Variants in DPYD observed in about 807,000 individuals in gnomAD.
DPYD encodes the protein dihydropyrimidine dehydrogenase, also known as dihydropyrimidine dehydrogenase [NADP(+)].
Under a neutral mutation model 116.2 loss-of-function variants are expected in DPYD, and 109 were observed. That is an observed-to-expected ratio of 0.94 (90% CI 0.80 to 1.10). DPYD has a LOEUF of 1.10. Ranked by LOEUF, DPYD falls within the 50% of genes least tolerant of loss-of-function variation. The pLI is 0.00. For missense variants in DPYD, 1,302 were observed against 1,254.5 expected (o/e 1.04, Z -0.57); for synonymous variants, 440 against 432.0 (o/e 1.02, Z -0.23).
At chr1:97,390,437 T>A (rs1672630451) in intron 14 of DPYD, among the ~76,000 whole-genome samples, 1 of 152,056 alleles carries the variant, frequency 6.6e-6, no homozygotes, top group African/African-American at 2.4e-5. Flanking sequence ...TAATTAACCA[T>A]ACAACATTCA....
chr1:97,594,100 T>A (rs1262289006), intron 9 of DPYD, among the ~76,000 whole-genome samples: 1 of 152,208 alleles, frequency 6.6e-6, no homozygotes, highest in Admixed American at 6.5e-5. Flanking sequence ...GTATTCCTTA[T>A]GTGTTAGGTA....
At chr1:97,727,243 G>A (rs1663317203) in intron 4 of DPYD, among the ~76,000 whole-genome samples, 1 of 151,706 alleles carries the variant, frequency 6.6e-6, no homozygotes. Flanking sequence ...AGATAAGAGA[G>A]AATCATAGCC....
At chr1:97,103,050 T>C (rs995470960) in intron 20 of DPYD, among the ~76,000 whole-genome samples, 12 of 152,176 alleles carry the variant, frequency 7.9e-5, no homozygotes, top group Non-Finnish European at 1.8e-4. Context: ...ATGGGTTCTC[T>C]GAGTCTGTTT....
intron 14 of DPYD, among the ~76,000 whole-genome samples, chr1:97,407,342 T>C (rs2101654757): frequency 6.6e-6 from 1 of 152,322 alleles, no homozygotes; most frequent in African/African-American, 2.4e-5. Flanking sequence ...AAATTCTATG[T>C]CAATACTTAT....
At chr1:97,362,471 T>A (rs1670788039) in intron 16 of DPYD, among the ~76,000 whole-genome samples, 1 of 151,890 alleles carries the variant, frequency 6.6e-6, no homozygotes. Context: ...TCATATGGAA[T>A]CAAAAAATAG....
rs555248451 is a variant in DPYD, at chr1:97,861,444, A to C, written c.150+21820T>G. Among the ~76,000 whole-genome samples the C allele has an allele frequency of 2.0e-5, 3 of 152,134 alleles. No individual in the cohort carries two copies. In the South Asian group the frequency reaches 6.2e-4, roughly 31 times the overall value. ...TGATAAATTCAACCAAATTAAAAAT[A>C]AGAACATTTATTCATCAAAATTTAA... On this transcript the variant is annotated intron_variant, in intron 2 of 22. Transcript: ENST00000370192.
At chr1:97,357,906 C>A (rs1016787507) in intron 16 of DPYD, among the ~76,000 whole-genome samples, 1 of 152,166 alleles carries the variant, frequency 6.6e-6, no homozygotes, top group Non-Finnish European at 1.5e-5. Flanking sequence ...TGGGTGATTT[C>A]TGCATTTCCA....
At chr1:97,661,921 T>C (rs1164055627) in intron 8 of DPYD, among the ~76,000 whole-genome samples, 3 of 151,080 alleles carry the variant, frequency 2.0e-5, no homozygotes, top group African/African-American at 7.3e-5. Flanking sequence ...TATACACACA[T>C]AATATCAAGT....
In DPYD at chr1:97,157,494, C is replaced by G. The variant is rs2101735065; in HGVS notation, c.2622+35575G>C. ...GGTTTTATTACCGACCCCTGAGGAACACAAATGCCCAGTTATCCCTATATG... is the reference window on the plus strand; with the variant it reads ...GGTTTTATTACCGACCCCTGAGGAAGACAAATGCCCAGTTATCCCTATATG... On this transcript the variant is annotated intron_variant, in intron 20 of 22. Coordinates refer to ENST00000370192, the MANE Select transcript of DPYD (RefSeq NM_000110.4). Among the ~76,000 whole-genome samples the G allele has an allele frequency of 2.0e-5, 3 of 152,196 alleles. No individual in the cohort carries two copies. The South Asian group carries it at 6.2e-4, about 32-fold the overall frequency.
intron 3 of DPYD, among the ~76,000 whole-genome samples, chr1:97,741,338 C>T (rs1664261102): frequency 6.6e-6 from 1 of 152,174 alleles, no homozygotes; most frequent in African/African-American, 2.4e-5. Context: ...TGACTCTCCT[C>T]TCCGGGGGAC....
intron 13 of DPYD, among the ~76,000 whole-genome samples, chr1:97,494,539 C>T (rs1000970958): frequency 6.6e-6 from 1 of 151,924 alleles, no homozygotes; most frequent in African/African-American, 2.4e-5. Flanking sequence ...TATAAGAACA[C>T]AACTTTAAGC....
chr1:97,222,782 C>T (rs1570702418), intron 19 of DPYD, among the ~76,000 whole-genome samples: 1 of 151,858 alleles, frequency 6.6e-6, no homozygotes, highest in East Asian at 1.9e-4. Flanking sequence ...AGCCAGGACA[C>T]AAGAAATTGC....
chr1:97,285,860 C>T (rs574732982), intron 18 of DPYD, among the ~76,000 whole-genome samples: 1 of 152,000 alleles, frequency 6.6e-6, no homozygotes, highest in African/African-American at 2.4e-5. Flanking sequence ...TTGGAGAGTC[C>T]ACCCGAGTGT....
At chr1:97,133,458 CCTATA>C (rs1429673711) in intron 20 of DPYD, among the ~76,000 whole-genome samples, 1 of 151,942 alleles carries the variant, frequency 6.6e-6, no homozygotes, top group Non-Finnish European at 1.5e-5. Context: ...AAATTGATTA[CCTATA>C]GAAGCTTGGT....
chr1:97,566,526 C>T (rs1166380584), intron 11 of DPYD, among the ~76,000 whole-genome samples: 2 of 152,066 alleles, frequency 1.3e-5, no homozygotes, highest in Admixed American at 6.6e-5. Flanking sequence ...AAGTCCCTTC[C>T]TCTAATGTTT....
intron 13 of DPYD, among the ~76,000 whole-genome samples, chr1:97,474,396 C>T (rs1377916724): frequency 6.6e-6 from 1 of 151,978 alleles, no homozygotes; most frequent in African/African-American, 2.4e-5. Context: ...AGATACAGAT[C>T]AGGTGTTCTG....
At chr1:97,508,983 G>A (rs765747238) in intron 13 of DPYD, among the ~76,000 whole-genome samples, 3 of 151,916 alleles carry the variant, frequency 2.0e-5, no homozygotes, top group South Asian at 2.1e-4. Context: ...AAGACCATAC[G>A]GAGATACAGG....
At chr1:97,524,685 T>C (rs941304123) in intron 12 of DPYD, among the ~76,000 whole-genome samples, 2 of 152,146 alleles carry the variant, frequency 1.3e-5, no homozygotes, top group African/African-American at 4.8e-5. Flanking sequence ...CTTTCTTTCT[T>C]TTTTTGAAAA....
chr1:97,750,217 T>C (rs1664793836), intron 3 of DPYD, among the ~76,000 whole-genome samples: 1 of 152,090 alleles, frequency 6.6e-6, no homozygotes, highest in South Asian at 2.1e-4. Context: ...AGAAATAATA[T>C]ATTAGTAATA....
Sources: allele counts gnomAD v4.1 joint callset (sites outside exome capture counted in the v4.1 genomes callset), GRCh38; gene constraint gnomAD v4.1.1; transcripts MANE v1.5; gene names NCBI Gene and HGNC (gene_info 2026-07-23, HGNC 2026-07-21).